The following NPAS3 variants were observed in gnomAD, a reference collection of about 807,000 sequenced individuals.
NPAS3 encodes the protein neuronal PAS domain protein 3.
Under a neutral mutation model 73.1 loss-of-function variants are expected in NPAS3, and 14 were observed. That is an observed-to-expected ratio of 0.19 (90% CI 0.13 to 0.30). The LOEUF is 0.30. Among genes scored for constraint, NPAS3 ranks in the 10% least tolerant of loss-of-function variants. The probability of loss-of-function intolerance (pLI) is 1.00; values close to 1 mark genes in which losing one functional copy is unlikely to be tolerated. For missense variants in NPAS3, 1,096 were observed against 1,250.0 expected, an observed-to-expected ratio of 0.88 and a Z score of 1.86; for synonymous variants, 620 against 541.5, an observed-to-expected ratio of 1.14 and a Z score of -2.01.
Position 33,526,091 on chromosome 14 carries a change from G to A in NPAS3, c.469-34030G>A, listed in dbSNP as rs117449274. On this transcript the variant is annotated intron_variant, in intron 4 of 11. Transcript: ENST00000356141. ...ATCAGTGAATGGCAAACAATTTGAC[G>A]TAATTTTCCATGTTGTTTTCCTACC... 1.9e-4 allele frequency among the ~76,000 whole-genome samples: 29 copies of A among 152,192 alleles called. No homozygotes were observed. In the East Asian group the frequency reaches 4.7e-3, roughly 24 times the overall value.
At chr14:33,682,722 A>G (rs1433967157) in intron 6 of NPAS3, among the ~76,000 whole-genome samples, 1 of 152,266 alleles carries the variant, frequency 6.6e-6, no homozygotes, top group Non-Finnish European at 1.5e-5. Context: ...AGGCCTAGGC[A>G]TACTTATCAC....
intron 4 of NPAS3, among the ~76,000 whole-genome samples, chr14:33,478,452 A>G (rs1405402958): frequency 6.6e-6 from 1 of 152,210 alleles, no homozygotes; most frequent in Non-Finnish European, 1.5e-5. Flanking sequence ...AGCCTTAGCG[A>G]TAAGCTCCTG....
At chr14:33,016,104 A>C (rs905548848) in intron 1 of NPAS3, among the ~76,000 whole-genome samples, 11 of 152,174 alleles carry the variant, frequency 7.2e-5, no homozygotes, top group Non-Finnish European at 1.3e-4. Flanking sequence ...TGCCCTAAAA[A>C]ACAATCTCTC....
At chr14:33,310,859 A>C (rs547172870) in intron 3 of NPAS3, among the ~76,000 whole-genome samples, 2 of 151,840 alleles carry the variant, frequency 1.3e-5, no homozygotes, top group East Asian at 3.9e-4. Flanking sequence ...AAACAACCTT[A>C]GTATTAAGAC....
At chr14:33,416,977 G>T (rs1003206195) in intron 4 of NPAS3, among the ~76,000 whole-genome samples, 4 of 151,866 alleles carry the variant, frequency 2.6e-5, no homozygotes, top group Non-Finnish European at 4.4e-5. Context: ...CTGTGGCTTT[G>T]CTCTTTGCTT....
At chr14:33,765,383 G>C (rs1277039286) in intron 7 of NPAS3, among the ~76,000 whole-genome samples, 1 of 151,920 alleles carries the variant, frequency 6.6e-6, no homozygotes, top group African/African-American at 2.4e-5. Flanking sequence ...TAACCTCTCA[G>C]AATCCCCGGA....
At chr14:33,621,660 C>T (rs147588164) in intron 5 of NPAS3, among the ~76,000 whole-genome samples, 6 of 152,008 alleles carry the variant, frequency 3.9e-5, no homozygotes, top group African/African-American at 1.2e-4. Flanking sequence ...CTGTAGATTA[C>T]GTCAAAGTGA....
At chr14:33,632,274 A>G (rs1393964974) in intron 5 of NPAS3, among the ~76,000 whole-genome samples, 1 of 152,138 alleles carries the variant, frequency 6.6e-6, no homozygotes, top group Non-Finnish European at 1.5e-5. Flanking sequence ...GAAGCTCGGT[A>G]TTCATAAGAA....
chr14:33,661,056 T>A (rs898014999), intron 5 of NPAS3, among the ~76,000 whole-genome samples: 2 of 151,014 alleles, frequency 1.3e-5, no homozygotes, highest in African/African-American at 4.9e-5. Context: ...GCAAAATAAT[T>A]TTTTTTAAAA....
intron 4 of NPAS3, among the ~76,000 whole-genome samples, chr14:33,541,800 T>C (rs2054531870): frequency 1.3e-5 from 2 of 152,206 alleles, no homozygotes; most frequent in Admixed American, 1.3e-4. Flanking sequence ...TGCTTTGCCT[T>C]CTTGGATTTG....
exon 12 of NPAS3, chr14:33,801,068 G>T: frequency 1.9e-6 from 3 of 1,594,146 alleles, no homozygotes; most frequent in Non-Finnish European, 2.6e-6. Context: ...CTACAGCAAC[G>T]GCATCCACGC....
At chr14:33,724,271 T>A (rs1187905378) in intron 6 of NPAS3, among the ~76,000 whole-genome samples, 1 of 152,072 alleles carries the variant, frequency 6.6e-6, no homozygotes, top group Non-Finnish European at 1.5e-5. Flanking sequence ...AACATAAATA[T>A]GTGATTCATT....
intron 5 of NPAS3, chr14:33,585,940 A>G (rs1289091530): frequency 6.6e-6 from 1 of 151,920 alleles, no homozygotes. Context: ...TTCTGATCAT[A>G]TTTTCCTTTA....
intron 2 of NPAS3, among the ~76,000 whole-genome samples, chr14:33,140,688 G>A (rs2044013726): frequency 1.3e-5 from 2 of 152,072 alleles, no homozygotes; most frequent in Admixed American, 1.3e-4. Flanking sequence ...ATATTCAATA[G>A]AGAAGAATCA....
chr14:33,367,869 T>C (rs2045913309), intron 4 of NPAS3, among the ~76,000 whole-genome samples: 1 of 152,212 alleles, frequency 6.6e-6, no homozygotes, highest in Non-Finnish European at 1.5e-5. Context: ...GATGAAACTG[T>C]AGTTACCTAG....
intron 4 of NPAS3, among the ~76,000 whole-genome samples, chr14:33,391,450 C>T (rs2047001580): frequency 6.6e-6 from 1 of 152,130 alleles, no homozygotes; most frequent in African/African-American, 2.4e-5. Context: ...GTCTTGGCCT[C>T]CCAAAGTGCT....
intron 3 of NPAS3, among the ~76,000 whole-genome samples, chr14:33,343,522 A>G (rs1006412840): frequency 3.9e-5 from 6 of 152,032 alleles, no homozygotes; most frequent in African/African-American, 1.5e-4. Flanking sequence ...CATGTTCCCC[A>G]GTGTTAGGCT....
intron 3 of NPAS3, among the ~76,000 whole-genome samples, chr14:33,271,029 A>G (rs2041051661): frequency 6.6e-6 from 1 of 152,364 alleles, no homozygotes; most frequent in East Asian, 1.9e-4. Context: ...TTAGATGACT[A>G]TGGGAACCTT....
At chr14:32,964,704 G>A (rs2037076109) in intron 1 of NPAS3, among the ~76,000 whole-genome samples, 1 of 152,066 alleles carries the variant, frequency 6.6e-6, no homozygotes, top group Non-Finnish European at 1.5e-5. Context: ...GCCGGGTGCA[G>A]TGTGGCTCAC....
Sources: allele counts gnomAD v4.1 joint callset (sites outside exome capture counted in the v4.1 genomes callset), GRCh38; gene constraint gnomAD v4.1.1; transcripts MANE v1.5; gene names NCBI Gene and HGNC (gene_info 2026-07-23, HGNC 2026-07-21).